OSR1: variants seen among roughly 807,000 people sequenced by gnomAD.
OSR1 encodes the protein odd-skipped related transcription factor 1, also known as protein odd-skipped-related 1.
Under a neutral mutation model 15.7 loss-of-function variants are expected in OSR1, and 3 were observed. That is an observed-to-expected ratio of 0.19 (90% confidence interval 0.09 to 0.50). The LOEUF (loss-of-function observed/expected upper bound fraction) is 0.50, where lower values mean the gene tolerates loss of function less well. Among genes scored for constraint, OSR1 ranks in the 20% least tolerant of loss-of-function variants. The pLI is 0.97. For synonymous variants in OSR1, 166 were observed against 152.7 expected (o/e 1.09, Z -0.64); for missense variants, 271 against 351.1 (o/e 0.77, Z 1.82).
the OSR1 span, among the ~76,000 whole-genome samples, chr2:19,346,280 G>A: frequency 6.6e-6 from 1 of 152,164 alleles, no homozygotes; most frequent in Non-Finnish European, 1.5e-5. Flanking sequence ...TCCCATTTTG[G>A]GGGGTTAATC....
chr2:19,354,059 T>G, intron 1 of OSR1: 1 of 491,586 alleles, frequency 2.0e-6, no homozygotes, highest in Non-Finnish European at 3.6e-6. Flanking sequence ...GTCTAAGGGC[T>G]CCCTCCAAAT....
chr2:19,352,787 A>T (rs1279141918), intron 2 of OSR1, among the ~76,000 whole-genome samples: 1 of 152,238 alleles, frequency 6.6e-6, no homozygotes, highest in Non-Finnish European at 1.5e-5. Flanking sequence ...AATTAAAATT[A>T]CTTAAAATTA....
chr2:19,355,834 G>C (rs185661941), intron 1 of OSR1: 1 of 152,368 alleles, frequency 6.6e-6, no homozygotes, highest in East Asian at 1.9e-4. Context: ...GACTATCCCA[G>C]AGCTCGGACA....
intron 1 of OSR1, chr2:19,355,039 C>G (rs1314910590): frequency 6.6e-6 from 1 of 152,244 alleles, no homozygotes; most frequent in Non-Finnish European, 1.5e-5. Context: ...CTGAGCTCTG[C>G]AAAATGCTTT....
chr2:19,353,764 A>C lies in OSR1; in HGVS notation c.42T>G (p.Pro14=). The change falls in exon 2 of 3, where the codon CCT becomes CCG. Residue 14 remains proline, a synonymous_variant. Transcript: ENST00000272223. ...AGGAGTAGTTGGTGAGCTGCAGGGAAGGGTGGATAGGCACCGGCGCCGGCA... is the reference window on the plus strand; with the variant it reads ...AGGAGTAGTTGGTGAGCTGCAGGGACGGGTGGATAGGCACCGGCGCCGGCA... ...KTLPAPVPIH[P]SLQLTNYSFL... is the part of the protein sequence containing the mutation. 1.9e-6 allele frequency: 3 copies of C among 1,613,350 alleles called. No individual in the cohort carries two copies. Among genetic ancestry groups the C allele is most frequent in the Non-Finnish European group, 2.5e-6 (3 of 1,179,492 alleles).
intron 2 of OSR1, 73 bp from the exon 3 acceptor site, chr2:19,352,483 C>G (rs1250246732): frequency 1.3e-6 from 2 of 1,563,048 alleles, no homozygotes; most frequent in Admixed American, 3.4e-5. Flanking sequence ...AGATCCCCTC[C>G]CACTGCTGTG....
the OSR1 span, among the ~76,000 whole-genome samples, chr2:19,345,487 G>C: frequency 6.6e-6 from 1 of 151,958 alleles, no homozygotes; most frequent in Non-Finnish European, 1.5e-5. Flanking sequence ...TGTATAAGGT[G>C]TAAGGAAGGG....
downstream of OSR1, among the ~76,000 whole-genome samples, chr2:19,348,949 C>T (rs748430023): frequency 2.6e-5 from 4 of 152,318 alleles, no homozygotes; most frequent in East Asian, 1.9e-4. Context: ...TGAGAAGGGC[C>T]CCAGCTGAAC....
chr2:19,354,955 A>G (rs1664920263), intron 1 of OSR1: 1 of 152,342 alleles, frequency 6.6e-6, no homozygotes, highest in Non-Finnish European at 1.5e-5. Flanking sequence ...GCCAGAGGAA[A>G]GCCACACTGA....
downstream of OSR1, among the ~76,000 whole-genome samples, chr2:19,350,622 C>T (rs1053070469): frequency 4.6e-5 from 7 of 152,142 alleles, no homozygotes; most frequent in African/African-American, 1.7e-4. Flanking sequence ...CGGGCGCCAC[C>T]GCCTGCGCGG....
chr2:19,349,576 G>A (rs537471636), downstream of OSR1, among the ~76,000 whole-genome samples: 184 of 152,220 alleles, frequency 1.2e-3, no homozygotes, highest in Non-Finnish European at 2.1e-3. Context: ...CAGTGCTGGA[G>A]GTGGGGTGAC....
chr2:19,353,540 A>G lies in OSR1; in HGVS notation c.266T>C (p.Phe89Ser). The G allele has an allele frequency of 6.2e-7, 1 of 1,614,212 alleles. No individual in the cohort carries two copies. The highest frequency in any genetic ancestry group is 8.5e-7 in the Non-Finnish European group (1 of 1,180,026). Residue 89 changes from phenylalanine to serine, a missense_variant, in exon 2 of 3, where the codon TTT becomes TCT. Physicochemically the swap from Phe to Ser is radical, Grantham distance 155. Transcript: ENST00000272223. ...LVDARFQLPA[F>S]PWFPHVIQPK... The stretch of plus-strand genomic sequence containing the variant: ...TTGAATGACATGAGGGAACCAGGGA[A>G]AGGCGGGCAGCTGGAAGCGCGCATC...
rs755578955 is a variant in OSR1, at chr2:19,353,762, G to T, written c.44C>A (p.Ser15Tyr). 1.4e-5 allele frequency: 22 copies of T among 1,613,804 alleles called. No homozygotes were observed. The highest frequency in any genetic ancestry group is 1.8e-5 in the Non-Finnish European group (21 of 1,179,852). ...GAAGGAGTAGTTGGTGAGCTGCAGGGAAGGGTGGATAGGCACCGGCGCCGG... is the reference window on the plus strand; with the variant it reads ...GAAGGAGTAGTTGGTGAGCTGCAGGTAAGGGTGGATAGGCACCGGCGCCGG... The part of the protein sequence containing the change: ...TLPAPVPIHP[S>Y]LQLTNYSFLQ... Residue 15 changes from serine to tyrosine, a missense_variant, in exon 2 of 3, where the codon TCC (serine) becomes TAC (tyrosine). Physicochemically the swap from Ser to Tyr is moderately radical, Grantham distance 144 (BLOSUM62 -2). Transcript: ENST00000272223.
At chr2:19,350,074 T>C (rs1664807081), downstream of OSR1, among the ~76,000 whole-genome samples, 2 of 152,140 alleles carry the variant, frequency 1.3e-5, no homozygotes. Context: ...CCTTGTGAAC[T>C]GCTTGGAAGA....
the OSR1 span, among the ~76,000 whole-genome samples, chr2:19,346,404 G>T: frequency 1.3e-5 from 2 of 152,312 alleles, no homozygotes; most frequent in African/African-American, 4.8e-5. Flanking sequence ...CATTCCTGCA[G>T]AAGTCCACAT....
rs769498692 is a variant in OSR1 at position 19,353,573 on chromosome 2, C to T, written c.233G>A (p.Ser78Asn). ...SFSKVPGTVSSLVDARFQLPA... is the reference protein window; with the variant it reads ...SFSKVPGTVSNLVDARFQLPA... Reference sequence around the variant, plus strand: ...CAGCTGGAAGCGCGCATCCACCAAGCTGGACACCGTGCCCGGCACTTTGGA... The same window carrying T: ...CAGCTGGAAGCGCGCATCCACCAAGTTGGACACCGTGCCCGGCACTTTGGA... The change falls in exon 2 of 3, where the codon AGC becomes AAC. Residue 78 changes from serine (S) to asparagine (N), a missense_variant. Physicochemically the swap from Ser to Asn is conservative, Grantham distance 46 (BLOSUM62 1). Around this residue, in one of 4 missense-constraint regions of OSR1, gnomAD observed 210 missense variants for 218.4 expected, o/e 0.96. Transcript: ENST00000272223. 1.9e-6 allele frequency: 3 copies of T among 1,614,104 alleles called. No homozygotes were observed. Among genetic ancestry groups the T allele is most frequent in the Admixed American group, 3.3e-5 (2 of 60,014 alleles).
chr2:19,357,608 G>A lies in OSR1; in HGVS notation c.-33+733C>T, dbSNP rs1664977181. The A allele has an allele frequency of 1.3e-5, 2 of 152,180 alleles. No homozygotes were observed. Among genetic ancestry groups the A allele is most frequent in the Admixed American group, 1.3e-4 (2 of 15,278 alleles). The allele number at this position is 152,180 out of a possible 1,614,324, so 9.4% of individuals were successfully genotyped here. The stretch of plus-strand genomic sequence containing the variant: ...CCCGGAGACCCTAGGGCTCCACAGA[G>A]TTTCCACTAGTGCTGTGTGTGGGTC... On this transcript the variant is annotated intron_variant, in intron 1 of 2. Transcript: ENST00000272223. The surrounding 1 kb of genome is among the most constrained non-coding windows in gnomAD (Gnocchi z 5.0).
chr2:19,347,278 T>A (rs566803956), downstream of OSR1, among the ~76,000 whole-genome samples: 1 of 152,250 alleles, frequency 6.6e-6, no homozygotes, highest in African/African-American at 2.4e-5. Context: ...CACATTAGGG[T>A]AGTTTTTGGT....
chr2:19,353,898 C>T, intron 1 of OSR1, 61 bp from the exon 2 acceptor site: 1 of 1,359,432 alleles, frequency 7.4e-7, no homozygotes, highest in Non-Finnish European at 9.9e-7. Context: ...GGGTGGGTCG[C>T]CTTCCTCCTG....
Sources: allele counts gnomAD v4.1 joint callset (sites outside exome capture counted in the v4.1 genomes callset), GRCh38; gene constraint gnomAD v4.1.1; regional missense constraint gnomAD v4.1.1; non-coding constraint Gnocchi (gnomAD v3.1); transcripts MANE v1.5; gene names NCBI Gene and HGNC (gene_info 2026-07-23, HGNC 2026-07-21).